The following DDAH1 variants were observed in gnomAD, a reference collection of about 807,000 sequenced individuals.
DDAH1 encodes N(G),N(G)-dimethylarginine dimethylaminohydrolase 1.
A neutral mutation model predicts 28.8 loss-of-function variants in DDAH1; 19 were observed. The observed-to-expected ratio is 0.66, with a 90% confidence interval of 0.46 to 0.97. DDAH1 has a LOEUF of 0.97. DDAH1 is among the 50% of genes least tolerant of loss of function. The pLI is 0.00. For missense variants in DDAH1, 326 were observed against 375.9 expected (o/e 0.87, Z 1.10); for synonymous variants, 153 against 154.4 (o/e 0.99, Z 0.07).
In DDAH1 at chr1:85,348,136, C is replaced by T. The variant is rs146604394; in HGVS notation, c.597+2279G>A. On this transcript the variant is annotated intron_variant, in intron 4 of 5. Coordinates refer to ENST00000284031, the MANE Select transcript of DDAH1 (RefSeq NM_012137.4). ...AGTAGAAAAGGAACATCATTATTAA[C>T]ACTAACTCGAATGAACTCTACAGGG... is the stretch of plus-strand genomic sequence containing the variant. Among the ~76,000 whole-genome samples, 695 of 152,282 alleles carry T rather than the reference C, an allele frequency of 4.6e-3. 8 individuals are homozygous for T. The highest frequency in any genetic ancestry group is 0.016 in the African/African-American group (650 of 41,554).
At chr1:85,474,927 A>G (rs771894079) in intron 2 of DDAH1, among the ~76,000 whole-genome samples, 47 of 152,196 alleles carry the variant, frequency 3.1e-4, no homozygotes, top group Non-Finnish European at 5.7e-4. Flanking sequence ...GCTTTGTCAC[A>G]GCTGTGTGAT....
intron 1 of DDAH1, among the ~76,000 whole-genome samples, chr1:85,503,087 T>TA (rs141834038): frequency 0.26 from 39,986 of 151,280 alleles, 6,128 homozygotes; most frequent in Middle Eastern, 0.49. Flanking sequence ...AGAAATAAGT[T>TA]AAAAAAAAAC....
chr1:85,471,361 C>G (rs1029322457), intron 2 of DDAH1, among the ~76,000 whole-genome samples: 11 of 152,216 alleles, frequency 7.2e-5, no homozygotes, highest in African/African-American at 2.7e-4. Context: ...GCTCACACCT[C>G]TAAAAACATT....
Position 85,527,636 on chromosome 1 carries a change from G to A in DDAH1, c.-122-31355C>T, listed in dbSNP as rs984103476. ...ACACAGACTGTCTACTCTCATCCCAGGCTAATGAGAGGGTAGGTACTATAT... is the reference window on the plus strand; with the variant it reads ...ACACAGACTGTCTACTCTCATCCCAAGCTAATGAGAGGGTAGGTACTATAT... On this transcript the variant is annotated intron_variant, in intron 1 of 6. Transcript: ENST00000426972. Among the ~76,000 whole-genome samples, 5 of 152,242 alleles carry A rather than the reference G, an allele frequency of 3.3e-5. 1 individual carries two copies. The East Asian group carries it at 9.6e-4, about 29-fold the overall frequency.
intron 1 of DDAH1, among the ~76,000 whole-genome samples, chr1:85,392,401 A>T (rs1651595778): frequency 6.6e-6 from 1 of 152,200 alleles, no homozygotes; most frequent in African/African-American, 2.4e-5. Context: ...TCCAGATAAG[A>T]TCACATTCTG....
intron 1 of DDAH1, among the ~76,000 whole-genome samples, chr1:85,462,069 C>G (rs546408611): frequency 8.9e-4 from 136 of 152,220 alleles, no homozygotes; most frequent in African/African-American, 3.2e-3. Context: ...AAATGCACAT[C>G]ATAAATCTGG....
chr1:85,444,591 C>T (rs1168929005), intron 1 of DDAH1, among the ~76,000 whole-genome samples: 1 of 152,208 alleles, frequency 6.6e-6, no homozygotes, highest in Non-Finnish European at 1.5e-5. Flanking sequence ...TACAATGTGG[C>T]CCCACAGGGT....
intron 2 of DDAH1, among the ~76,000 whole-genome samples, chr1:85,477,496 C>T (rs902189197): frequency 4.6e-5 from 7 of 152,004 alleles, no homozygotes; most frequent in East Asian, 3.9e-4. Flanking sequence ...CATTATCTAC[C>T]GAAAATATAA....
intron 2 of DDAH1, among the ~76,000 whole-genome samples, chr1:85,489,571 T>C (rs1656316594): frequency 6.6e-6 from 1 of 152,100 alleles, no homozygotes; most frequent in Admixed American, 6.6e-5. Flanking sequence ...GAAAAGAATT[T>C]GTTGGTGGTT....
At chr1:85,514,640 T>C (rs1221510991) in intron 1 of DDAH1, among the ~76,000 whole-genome samples, 1 of 151,368 alleles carries the variant, frequency 6.6e-6, no homozygotes, top group Non-Finnish European at 1.5e-5. Context: ...AGTTTTTTTT[T>C]CCTTTTCTTT....
At chr1:85,483,684 T>C (rs1005877525) in intron 2 of DDAH1, among the ~76,000 whole-genome samples, 9 of 152,208 alleles carry the variant, frequency 5.9e-5, no homozygotes, top group Admixed American at 5.9e-4. Context: ...CACCAAATTT[T>C]GTTACTAAAA....
At chr1:85,545,169 C>A (rs1010758492) in intron 1 of DDAH1, among the ~76,000 whole-genome samples, 2 of 152,108 alleles carry the variant, frequency 1.3e-5, no homozygotes, top group Non-Finnish European at 2.9e-5. Flanking sequence ...GGACGTGACT[C>A]CCAACAGAAA....
intron 1 of DDAH1, among the ~76,000 whole-genome samples, chr1:85,407,715 G>T (rs1166312393): frequency 1.3e-5 from 2 of 152,084 alleles, no homozygotes; most frequent in African/African-American, 4.8e-5. Flanking sequence ...TGGTAATATT[G>T]ACCCAAGGGT....
chr1:85,338,499 T>C (rs1441132044), intron 4 of DDAH1, among the ~76,000 whole-genome samples: 3 of 152,144 alleles, frequency 2.0e-5, no homozygotes. Flanking sequence ...GACATAACAA[T>C]TTACTTTAGG....
At chr1:85,470,336 A>G (rs1376779262) in intron 2 of DDAH1, among the ~76,000 whole-genome samples, 1 of 152,272 alleles carries the variant, frequency 6.6e-6, no homozygotes, top group Non-Finnish European at 1.5e-5. Context: ...GTTTCCCCTT[A>G]TAAAACCCTC....
chr1:85,438,830 T>C lies in DDAH1; in HGVS notation c.303+25913A>G, dbSNP rs183439742. Among the ~76,000 whole-genome samples the C allele has an allele frequency of 5.0e-4, 76 of 152,346 alleles. No homozygotes were observed. In the Middle Eastern group the frequency reaches 0.014, roughly 27 times the overall value. ...TGATATACTGATACCTAGATACTTT[T>C]GTTGAGCAGACTAGGGTAAGCCAAA... is the stretch of plus-strand genomic sequence containing the variant. On this transcript the variant is annotated intron_variant, in intron 1 of 5. Transcript: ENST00000284031.
intron 1 of DDAH1, among the ~76,000 whole-genome samples, chr1:85,432,378 TG>T (rs1557623636): frequency 6.6e-6 from 1 of 152,226 alleles, no homozygotes; most frequent in African/African-American, 2.4e-5. Flanking sequence ...GCTATGATTC[TG>T]AGATGTCTAA....
intron 2 of DDAH1, among the ~76,000 whole-genome samples, chr1:85,355,909 T>C (rs1649466258): frequency 6.6e-6 from 1 of 152,242 alleles, no homozygotes; most frequent in Non-Finnish European, 1.5e-5. Flanking sequence ...AAAGGTATCT[T>C]GTAGCTTTAT....
At chr1:85,417,249 G>A (rs534917511) in intron 1 of DDAH1, among the ~76,000 whole-genome samples, 4 of 152,172 alleles carry the variant, frequency 2.6e-5, no homozygotes, top group Non-Finnish European at 5.9e-5. Context: ...AGGAGTTGGC[G>A]CTGGTGAAGG....
Sources: allele counts gnomAD v4.1 joint callset (sites outside exome capture counted in the v4.1 genomes callset), GRCh38; gene constraint gnomAD v4.1.1; transcripts MANE v1.5; gene names NCBI Gene and HGNC (gene_info 2026-07-23, HGNC 2026-07-21).